Variants in USP47 observed in about 807,000 individuals in gnomAD.
USP47 encodes ubiquitin carboxyl-terminal hydrolase 47.
Under a neutral mutation model 165.1 loss-of-function variants are expected in USP47, and 35 were observed. The ratio of observed to expected loss-of-function variants is 0.21; its 90% CI spans 0.16 to 0.28. The LOEUF (loss-of-function observed/expected upper bound fraction) is 0.28, where lower values mean the gene tolerates loss of function less well. USP47 is among the 10% of genes least tolerant of loss of function. The pLI is 1.00. For missense variants in USP47, 1,277 were observed against 1,607.4 expected, an observed-to-expected ratio of 0.79 and a Z score of 3.52; for synonymous variants, 531 against 544.5, an observed-to-expected ratio of 0.98 and a Z score of 0.35.
chr11:11,888,786 C>T (rs1249800630), intron 3 of USP47, among the ~76,000 whole-genome samples: 2 of 152,072 alleles, frequency 1.3e-5, no homozygotes, highest in African/African-American at 2.4e-5. Flanking sequence ...TGATGAACAT[C>T]GGTGCAAAAA....
intron 4 of USP47, among the ~76,000 whole-genome samples, chr11:11,897,154 G>T (rs12574117): frequency 6.6e-6 from 1 of 150,734 alleles, no homozygotes; most frequent in East Asian, 1.9e-4. Flanking sequence ...AACTGGTTCT[G>T]TATAGTCTTT....
At chr11:11,905,612 T>G in intron 8 of USP47, 64 bp downstream of exon 8, 1 of 1,432,862 alleles carries the variant, frequency 7.0e-7, no homozygotes, top group Non-Finnish European at 9.4e-7. Flanking sequence ...CACAGTGGTA[T>G]AATCTCTTGT....
Position 11,948,808 on chromosome 11 carries a change from C to T in USP47, c.3348+250C>T, listed in dbSNP as rs187990026. The stretch of plus-strand genomic sequence containing the variant: ...TCAACATTTTATTTACAAAAGCAGG[C>T]AGCAGTGAACTTGGCCCTCAGGCCA... On this transcript the variant is annotated intron_variant, in intron 22 of 27. Transcript: ENST00000527733. 1.4e-4 allele frequency: 47 copies of T among 334,762 alleles called. No individual in the cohort carries two copies. In the East Asian group the frequency reaches 2.1e-3, roughly 15 times the overall value. The allele number at this position is 334,762 out of a possible 1,614,324, so 20.7% of individuals were successfully genotyped here. A position where few individuals can be genotyped will look rare whatever the true frequency, so the allele number is the denominator to read the frequency against.
intron 14 of USP47, 55 bp downstream of exon 14, chr11:11,930,806 T>C: frequency 2.0e-6 from 3 of 1,469,124 alleles, no homozygotes; most frequent in South Asian, 1.3e-5. Flanking sequence ...TAATTTCTTT[T>C]GTAAGTTTGC....
rs532222618 is a variant in USP47, at chr11:11,929,679, C to A, written c.1518+114C>A. 43 of 1,392,446 alleles carry A rather than the reference C, an allele frequency of 3.1e-5. 2 individuals carry two copies. The South Asian group carries it at 6.5e-4, about 21-fold the overall frequency. The allele number at this position is 1,392,446 out of a possible 1,614,324, so 86.3% of individuals were successfully genotyped here. ...ATCTGTCTAGTGATACATCTTAAGA[C>A]CCATATCAAATCTGTCTTTAATTTT... On this transcript the variant is annotated intron_variant, in intron 12 of 27. Transcript: ENST00000527733.
intron 8 of USP47, among the ~76,000 whole-genome samples, chr11:11,919,370 C>T (rs974157444): frequency 1.3e-5 from 2 of 151,838 alleles, no homozygotes; most frequent in African/African-American, 4.8e-5. Context: ...GAGAGAACAT[C>T]AGATGAAATT....
chr11:11,851,455 T>A (rs1751535365), intron 1 of USP47, among the ~76,000 whole-genome samples: 1 of 150,734 alleles, frequency 6.6e-6, no homozygotes, highest in Admixed American at 6.6e-5. Context: ...CTGAGCCCCT[T>A]AGTTTATTTT....
At chr11:11,855,405 A>G (rs1307344551) in intron 1 of USP47, among the ~76,000 whole-genome samples, 1 of 152,224 alleles carries the variant, frequency 6.6e-6, no homozygotes, top group Non-Finnish European at 1.5e-5. Context: ...CAGTGGTACT[A>G]TGATGATGCT....
chr11:11,896,322 G>A (rs1466601057), intron 4 of USP47, among the ~76,000 whole-genome samples: 1 of 151,470 alleles, frequency 6.6e-6, no homozygotes, highest in South Asian at 2.1e-4. Context: ...TGTACACAAA[G>A]GATGATAGTA....
intron 5 of USP47, among the ~76,000 whole-genome samples, chr11:11,902,326 T>C (rs1852282061): frequency 6.6e-6 from 1 of 152,224 alleles, no homozygotes; most frequent in South Asian, 2.1e-4. Flanking sequence ...TCCTGTAGTT[T>C]TCCACAGTTT....
At chr11:11,953,533 A>T (rs1856358725) in intron 25 of USP47, among the ~76,000 whole-genome samples, 1 of 152,106 alleles carries the variant, frequency 6.6e-6, no homozygotes, top group Admixed American at 6.5e-5. Context: ...TAGACCACGT[A>T]AAAACCTATC....
intron 22 of USP47, chr11:11,948,957 A>G (rs1460578468): frequency 5.3e-6 from 1 of 187,436 alleles, no homozygotes; most frequent in Non-Finnish European, 1.1e-5. Flanking sequence ...ACAATCATAC[A>G]GTGCTACAGG....
chr11:11,847,038 A>T (rs1417452774), intron 1 of USP47, among the ~76,000 whole-genome samples: 1 of 152,188 alleles, frequency 6.6e-6, no homozygotes, highest in East Asian at 1.9e-4. Flanking sequence ...GAATGAAAGC[A>T]AAAGCTGAAT....
chr11:11,867,424 A>G (rs190429936), intron 1 of USP47, among the ~76,000 whole-genome samples: 1 of 152,268 alleles, frequency 6.6e-6, no homozygotes, highest in East Asian at 1.9e-4. Flanking sequence ...CTATGTCACT[A>G]GAAGTTTAGA....
intron 18 of USP47, among the ~76,000 whole-genome samples, chr11:11,939,288 A>G (rs1188264275): frequency 6.6e-6 from 1 of 151,948 alleles, no homozygotes; most frequent in East Asian, 1.9e-4. Flanking sequence ...TTGTTCCATA[A>G]TTACAAGTTG....
Position 11,942,422 on chromosome 11 carries a change from A to C in USP47, c.2401A>C (p.Thr801Pro). 1.2e-6 allele frequency: 2 copies of C among 1,613,576 alleles called. No individual in the cohort carries two copies. Among genetic ancestry groups the C allele is most frequent in the Non-Finnish European group, 1.7e-6 (2 of 1,179,678 alleles). ...GAAACTCCTGGATCGGCATGCAAATACAATCAGATTATTTGTTTTGCTACC... is the reference window on the plus strand; with the variant it reads ...GAAACTCCTGGATCGGCATGCAAATCCAATCAGATTATTTGTTTTGCTACC... ...LWKLLDRHAN[T>P]IRLFVLLPEQ... is the part of the protein sequence containing the mutation. The change falls in exon 20 of 28, where the codon ACA becomes CCA. Residue 801 changes from threonine (T) to proline (P), a missense_variant. By Grantham distance (38) the Thr-to-Pro change is conservative. Around this residue, in one of 4 missense-constraint regions of USP47, gnomAD observed 909 missense variants for 1,068.1 expected, o/e 0.85. Transcript: ENST00000527733.
chr11:11,947,325 C>G (rs11823243), intron 20 of USP47, among the ~76,000 whole-genome samples: 8,543 of 152,168 alleles, frequency 0.056, 628 homozygotes, highest in African/African-American at 0.17. Context: ...AAATACAGTT[C>G]CTGTTAATTA....
At chr11:11,942,021 T>C (rs1855507648) in intron 19 of USP47, among the ~76,000 whole-genome samples, 1 of 152,102 alleles carries the variant, frequency 6.6e-6, no homozygotes, top group Admixed American at 6.6e-5. Flanking sequence ...AAAACCAGAG[T>C]ATTAATTTCC....
intron 1 of USP47, among the ~76,000 whole-genome samples, chr11:11,870,048 ATTT>A (rs1159445163): frequency 6.7e-6 from 1 of 148,680 alleles, no homozygotes; most frequent in East Asian, 1.9e-4. Flanking sequence ...TAAGTGTGAC[ATTT>A]TGTTTTTTTG....
Sources: allele counts gnomAD v4.1 joint callset (sites outside exome capture counted in the v4.1 genomes callset), GRCh38; gene constraint gnomAD v4.1.1; regional missense constraint gnomAD v4.1.1; transcripts MANE v1.5; gene names NCBI Gene and HGNC (gene_info 2026-07-23, HGNC 2026-07-21).